The following BCHE variants were observed in gnomAD, a reference collection of about 807,000 sequenced individuals.
BCHE encodes butyrylcholinesterase.
A neutral mutation model predicts 51.3 loss-of-function variants in BCHE; 48 were observed. That is an observed-to-expected ratio of 0.94 (90% CI 0.74 to 1.19). The LOEUF (loss-of-function observed/expected upper bound fraction) is 1.19. Ranked by LOEUF, BCHE falls within the 50% of genes most tolerant of loss-of-function variation. The pLI is 0.00. For synonymous variants in BCHE, 251 were observed against 238.0 expected, an observed-to-expected ratio of 1.05 and a Z score of -0.50; for missense variants, 847 against 708.2, an observed-to-expected ratio of 1.20 and a Z score of -2.23.
chr3:165,788,610 A>G (rs957374452), intron 2 of BCHE, among the ~76,000 whole-genome samples: 16 of 152,104 alleles, frequency 1.1e-4, no homozygotes, highest in African/African-American at 3.9e-4. Flanking sequence ...CAGTACAGCA[A>G]TTCTTATGTT....
At chr3:165,801,559 T>C in intron 2 of BCHE, among the ~76,000 whole-genome samples, 1 of 152,218 alleles carries the variant, frequency 6.6e-6, no homozygotes, top group East Asian at 1.9e-4. Context: ...TAAAGATAAA[T>C]AAATAGAAAG....
intron 2 of BCHE, among the ~76,000 whole-genome samples, chr3:165,788,417 T>A (rs887709989): frequency 6.6e-6 from 1 of 152,038 alleles, no homozygotes; most frequent in Non-Finnish European, 1.5e-5. Flanking sequence ...CATAGCAAGA[T>A]TGAAACCTCC....
At chr3:165,825,301 C>T (rs1714677436) in intron 2 of BCHE, among the ~76,000 whole-genome samples, 1 of 151,114 alleles carries the variant, frequency 6.6e-6, no homozygotes, top group South Asian at 2.1e-4. Context: ...AATAATGAAC[C>T]TCAATGCCTA....
At chr3:165,776,004 C>T (rs1205959688) in intron 3 of BCHE, among the ~76,000 whole-genome samples, 1 of 151,830 alleles carries the variant, frequency 6.6e-6, no homozygotes, top group Non-Finnish European at 1.5e-5. Flanking sequence ...AATCTAGTCA[C>T]AAGTCAATTT....
chr3:165,834,877 A>G (rs1483024366), intron 1 of BCHE, among the ~76,000 whole-genome samples: 1 of 151,872 alleles, frequency 6.6e-6, no homozygotes, highest in African/African-American at 2.4e-5. Context: ...TTCTGGTGCA[A>G]TTGGATACTG....
Position 165,830,087 on chromosome 3 carries a change from A to G in BCHE, c.947T>C (p.Val316Ala). ...ACCATCCACGGTCGGACCAAAGTTT[A>G]CTGACAAAGGAGTCCCATAGGGGAC... ...FVVPYGTPLS[V>A]NFGPTVDGDF... is the part of the protein sequence containing the mutation. The change falls in exon 2 of 4, where the codon GTA becomes GCA. Residue 316 changes from valine (V) to alanine (A), a missense_variant. Coordinates refer to ENST00000264381, the MANE Select transcript of BCHE (RefSeq NM_000055.4). The G allele has an allele frequency of 6.2e-7, 1 of 1,613,638 alleles. No homozygotes were observed. The highest frequency in any genetic ancestry group is 2.2e-5 in the East Asian group (1 of 44,864).
At position 165,830,895 on chromosome 3, in the gene BCHE, T is replaced by A; in HGVS notation, c.139A>T (p.Thr47Ser). ...KNGKVRGMNL[T>S]VFGGTVTAFL... The stretch of plus-strand genomic sequence containing the variant: ...GCTGTTACCGTGCCACCAAAAACTG[T>A]CAAGTTCATCCCTCTGACTTTTCCA... Residue 47 changes from threonine (T) to serine (S), a missense_variant, in exon 2 of 4, where the codon ACA becomes TCA. Physicochemically the swap from Thr to Ser is moderately conservative, Grantham distance 58 (BLOSUM62 1). Coordinates refer to ENST00000264381, the MANE Select transcript of BCHE (RefSeq NM_000055.4). The A allele has an allele frequency of 6.2e-7, 1 of 1,613,960 alleles. No homozygotes were observed. Among genetic ancestry groups the A allele is most frequent in the Admixed American group, 1.7e-5 (1 of 59,968 alleles).
chr3:165,837,172 C>T, intron 1 of BCHE, 142 bp downstream of exon 1: 1 of 401,584 alleles, frequency 2.5e-6, no homozygotes, highest in South Asian at 2.2e-5. Flanking sequence ...TTCCTCTGTC[C>T]CATTTGCAAG....
At chr3:165,828,962 A>T (rs1004839509) in intron 2 of BCHE, among the ~76,000 whole-genome samples, 4 of 152,080 alleles carry the variant, frequency 2.6e-5, no homozygotes, top group Admixed American at 2.0e-4. Flanking sequence ...GGCTGCCTCA[A>T]ATCTGATCAG....
intron 2 of BCHE, among the ~76,000 whole-genome samples, chr3:165,804,068 ACT>A (rs1272454389): frequency 1.3e-5 from 2 of 151,202 alleles, no homozygotes; most frequent in African/African-American, 2.4e-5. Context: ...AAAAAAAAAA[ACT>A]CTGATGATTT....
At chr3:165,781,797 A>G (rs765891684) in intron 3 of BCHE, among the ~76,000 whole-genome samples, 2 of 152,156 alleles carry the variant, frequency 1.3e-5, no homozygotes, top group Admixed American at 6.6e-5. Flanking sequence ...CAAATGGCTC[A>G]ATATACATAA....
chr3:165,780,400 A>G (rs929034399), intron 3 of BCHE, among the ~76,000 whole-genome samples: 2 of 152,236 alleles, frequency 1.3e-5, no homozygotes, highest in African/African-American at 2.4e-5. Context: ...CAAAGCCAAA[A>G]TTGACAAATA....
At chr3:165,790,022 C>T (rs2108205380) in intron 2 of BCHE, among the ~76,000 whole-genome samples, 1 of 152,040 alleles carries the variant, frequency 6.6e-6, no homozygotes, top group South Asian at 2.1e-4. Context: ...AAAATGAGGA[C>T]TGGGGATAAA....
At chr3:165,808,140 C>T (rs1188110962) in intron 2 of BCHE, among the ~76,000 whole-genome samples, 2 of 151,970 alleles carry the variant, frequency 1.3e-5, no homozygotes, top group East Asian at 1.9e-4. Flanking sequence ...CCTGCCACCA[C>T]GCCTGGCTAA....
At chr3:165,799,003 G>A (rs1213552773) in intron 2 of BCHE, among the ~76,000 whole-genome samples, 4 of 152,106 alleles carry the variant, frequency 2.6e-5, no homozygotes, top group Admixed American at 2.6e-4. Flanking sequence ...GATAATATCT[G>A]TGGCTGTGGG....
At chr3:165,834,664 T>TATC (rs1433095621) in intron 1 of BCHE, among the ~76,000 whole-genome samples, 1 of 151,970 alleles carries the variant, frequency 6.6e-6, no homozygotes, top group Non-Finnish European at 1.5e-5. Context: ...TTGATATGTT[T>TATC]ATCATGTAAT....
At chr3:165,798,680 G>T (rs1039217238) in intron 2 of BCHE, among the ~76,000 whole-genome samples, 7 of 151,978 alleles carry the variant, frequency 4.6e-5, no homozygotes, top group Non-Finnish European at 1.0e-4. Flanking sequence ...TGATATTACT[G>T]TTTCCTAATA....
intron 2 of BCHE, among the ~76,000 whole-genome samples, chr3:165,796,896 A>G (rs1035289415): frequency 4.6e-5 from 7 of 152,144 alleles, no homozygotes; most frequent in Non-Finnish European, 8.8e-5. Flanking sequence ...GATCTTTAGT[A>G]CACTGTTGGT....
At chr3:165,812,976 T>A (rs1481704817) in intron 2 of BCHE, among the ~76,000 whole-genome samples, 1 of 152,008 alleles carries the variant, frequency 6.6e-6, no homozygotes. Context: ...ATATCCTTCA[T>A]AATGCAATAG....
Sources: allele counts gnomAD v4.1 joint callset (sites outside exome capture counted in the v4.1 genomes callset), GRCh38; gene constraint gnomAD v4.1.1; transcripts MANE v1.5; gene names NCBI Gene and HGNC (gene_info 2026-07-23, HGNC 2026-07-21).